The following SPAG16 variants were observed in gnomAD, a reference collection of about 807,000 sequenced individuals.
SPAG16 encodes the protein sperm associated antigen 16.
SPAG16 carries 86 observed loss-of-function variants against 80.4 expected under a neutral mutation model. That is an observed-to-expected ratio of 1.07 (90% confidence interval 0.90 to 1.28). The LOEUF is 1.28. Ranked by LOEUF, SPAG16 falls within the 50% of genes most tolerant of loss-of-function variation. The pLI is 0.00. For missense variants in SPAG16, 870 were observed against 765.3 expected (o/e 1.14, Z -1.61); for synonymous variants, 294 against 265.9 (o/e 1.11, Z -1.03).
At chr2:213,506,378 T>G (rs1021416969) in intron 10 of SPAG16, among the ~76,000 whole-genome samples, 4 of 152,224 alleles carry the variant, frequency 2.6e-5, no homozygotes, top group African/African-American at 9.6e-5. Flanking sequence ...ATTATAAATT[T>G]CATAATGCCA....
chr2:214,086,277 T>C (rs1204936949), intron 13 of SPAG16, among the ~76,000 whole-genome samples: 1 of 152,198 alleles, frequency 6.6e-6, no homozygotes, highest in African/African-American at 2.4e-5. Flanking sequence ...GTCTTTTTCT[T>C]CGAAACTTCA....
At chr2:214,352,558 C>CTCTGTGTGTGTGTGTGTGTGTGTGTGTG (rs796885924) in intron 15 of SPAG16, among the ~76,000 whole-genome samples, 9 of 142,466 alleles carry the variant, frequency 6.3e-5, no homozygotes, top group African/African-American at 2.5e-4. Flanking sequence ...CTTTTTTTCT[C>CTCTGTGTGTGTGTGTGTGTGTGTGTGTG]TGTGTGTGTG....
chr2:213,480,977 G>T (rs1326697676), intron 9 of SPAG16, among the ~76,000 whole-genome samples: 4 of 152,106 alleles, frequency 2.6e-5, no homozygotes, highest in African/African-American at 9.7e-5. Flanking sequence ...GAGCTGTATT[G>T]CAATTTCAAT....
In SPAG16 at chr2:214,125,999, T is replaced by C. The variant is rs186744722; in HGVS notation, c.1593+17738T>C. Among the ~76,000 whole-genome samples the C allele has an allele frequency of 1.0e-3, 93 of 91,658 alleles. 1 individual carries two copies. Among genetic ancestry groups the C allele is most frequent in the Middle Eastern group, 7.1e-3 (1 of 140 alleles). The allele number at this position is 91,658 out of a possible 152,430, so 60.1% of individuals were successfully genotyped here. ...GGCCTGACTTTCTTTTCCTTCCTTC[T>C]TTCCTTCCTTCCTTCCTTCCTTCCT... On this transcript the variant is annotated intron_variant, in intron 14 of 15. Coordinates refer to ENST00000331683, the MANE Select transcript of SPAG16 (RefSeq NM_024532.5).
intron 15 of SPAG16, among the ~76,000 whole-genome samples, chr2:214,401,894 AGATAT>A (rs1352025404): frequency 1.3e-5 from 2 of 152,024 alleles, no homozygotes; most frequent in African/African-American, 4.8e-5. Context: ...TAAGAAAAAT[AGATAT>A]TCTGAATTTT....
chr2:213,836,597 T>C (rs890029450), intron 10 of SPAG16, among the ~76,000 whole-genome samples: 3 of 152,006 alleles, frequency 2.0e-5, no homozygotes, highest in African/African-American at 7.2e-5. Flanking sequence ...TTTCCAAATC[T>C]TAATACTTTT....
chr2:213,847,363 G>A (rs2074682464), intron 10 of SPAG16, among the ~76,000 whole-genome samples: 1 of 152,148 alleles, frequency 6.6e-6, no homozygotes, highest in South Asian at 2.1e-4. Context: ...GCATCGTGCT[G>A]GCATCTGTTC....
At chr2:213,636,296 T>C (rs953618826) in intron 10 of SPAG16, among the ~76,000 whole-genome samples, 2 of 152,206 alleles carry the variant, frequency 1.3e-5, no homozygotes, top group Non-Finnish European at 2.9e-5. Flanking sequence ...TTTATTCTGT[T>C]CCATTGGTCT....
intron 10 of SPAG16, among the ~76,000 whole-genome samples, chr2:213,701,478 C>T (rs114542779): frequency 0.014 from 2,153 of 152,218 alleles, 25 homozygotes; most frequent in South Asian, 0.035. Flanking sequence ...TCCTTCAGCC[C>T]GCTGCTGCAC....
intron 10 of SPAG16, among the ~76,000 whole-genome samples, chr2:213,623,318 G>A (rs1016800585): frequency 3.3e-5 from 5 of 151,876 alleles, no homozygotes; most frequent in South Asian, 4.2e-4. Flanking sequence ...TCACTAAATC[G>A]AAGGTAAAAT....
At chr2:214,116,129 G>A (rs1576257576) in intron 14 of SPAG16, among the ~76,000 whole-genome samples, 1 of 152,192 alleles carries the variant, frequency 6.6e-6, no homozygotes, top group African/African-American at 2.4e-5. Flanking sequence ...CTAGATCCTT[G>A]TTTGGCCTTA....
intron 15 of SPAG16, among the ~76,000 whole-genome samples, chr2:214,200,932 G>T (rs988130900): frequency 3.9e-5 from 6 of 152,144 alleles, no homozygotes; most frequent in African/African-American, 1.4e-4. Context: ...CACATGGGAA[G>T]ACATTGTCTG....
At chr2:213,359,995 T>C (rs1433197763) in intron 7 of SPAG16, among the ~76,000 whole-genome samples, 1 of 152,106 alleles carries the variant, frequency 6.6e-6, no homozygotes, top group Non-Finnish European at 1.5e-5. Context: ...TTGAAAAAAA[T>C]AAATAAAATG....
At chr2:213,545,826 A>G (rs956841509) in intron 10 of SPAG16, among the ~76,000 whole-genome samples, 1 of 152,198 alleles carries the variant, frequency 6.6e-6, no homozygotes, top group Non-Finnish European at 1.5e-5. Context: ...ACAAACCATC[A>G]TTTTAACTGG....
chr2:213,493,563 G>GTTGT lies in SPAG16; in HGVS notation c.1070+3492_1070+3495dup, dbSNP rs370456027. ...ACATGTCTTTCAGTGACTGCCACTAGTTGTTTGTTTGTTTGTTTGTTTTGT... is the reference window on the plus strand; with the variant it reads ...ACATGTCTTTCAGTGACTGCCACTAGTTGTTTGTTTGTTTGTTTGTTTGTTTTGT... On this transcript the variant is annotated intron_variant, in intron 10 of 15. Coordinates refer to ENST00000331683, the MANE Select transcript of SPAG16 (RefSeq NM_024532.5). Among the ~76,000 whole-genome samples, 16 of 152,068 alleles carry GTTGT rather than the reference G, an allele frequency of 1.1e-4. 1 individual carries two copies. Among genetic ancestry groups the GTTGT allele is most frequent in the East Asian group, 3.9e-4 (2 of 5,156 alleles).
At chr2:213,316,708 C>T (rs1454866680) in intron 4 of SPAG16, among the ~76,000 whole-genome samples, 1 of 152,018 alleles carries the variant, frequency 6.6e-6, no homozygotes, top group East Asian at 1.9e-4. Flanking sequence ...CCATCTGCCC[C>T]AGCTGCTTCT....
At chr2:214,293,885 T>C (rs1268498602) in intron 15 of SPAG16, among the ~76,000 whole-genome samples, 1 of 152,166 alleles carries the variant, frequency 6.6e-6, no homozygotes, top group Non-Finnish European at 1.5e-5. Flanking sequence ...GGGGCCACTC[T>C]CAATGACAGC....
At chr2:213,452,823 G>A (rs967118900) in intron 9 of SPAG16, among the ~76,000 whole-genome samples, 7 of 152,120 alleles carry the variant, frequency 4.6e-5, no homozygotes, top group Non-Finnish European at 7.3e-5. Context: ...AAAATCACCT[G>A]TCTTTGAAAG....
At chr2:214,078,680 T>G (rs1239671920) in intron 13 of SPAG16, among the ~76,000 whole-genome samples, 2 of 152,196 alleles carry the variant, frequency 1.3e-5, no homozygotes, top group Non-Finnish European at 2.9e-5. Context: ...ATATAGTATA[T>G]TTCTGTGAAA....
Sources: allele counts gnomAD v4.1 joint callset (sites outside exome capture counted in the v4.1 genomes callset), GRCh38; gene constraint gnomAD v4.1.1; transcripts MANE v1.5; gene names NCBI Gene and HGNC (gene_info 2026-07-23, HGNC 2026-07-21).